HDAC8: variants seen among roughly 807,000 people sequenced by gnomAD.
HDAC8 encodes the protein histone deacetylase 8, also known as histone deacetylase-like 1.
Under a neutral mutation model 32.2 loss-of-function variants are expected in HDAC8, and 1 was observed. The observed-to-expected ratio is 0.03, with a 90% CI of 0.01 to 0.15. The LOEUF is 0.15. HDAC8 is among the 10% of genes least tolerant of loss of function. The pLI is 1.00. For missense variants in HDAC8, 117 were observed against 300.0 expected (o/e 0.39, Z 4.51); for synonymous variants, 108 against 113.9 (o/e 0.95, Z 0.33).
chrX:72,500,309 T>C (rs1402812151), intron 4 of HDAC8, among the ~76,000 whole-genome samples: 1 of 111,444 alleles, frequency 9.0e-6, no homozygotes, highest in African/African-American at 3.3e-5. Flanking sequence ...TACAAAAACC[T>C]GGCAGAGATA....
At chrX:72,501,831 G>C (rs1213314086) in intron 4 of HDAC8, among the ~76,000 whole-genome samples, 1 of 112,121 alleles carries the variant, frequency 8.9e-6, no homozygotes, top group Non-Finnish European at 1.9e-5. Flanking sequence ...AGAGTAAACA[G>C]ACAACCTACA....
In HDAC8 at chrX:72,344,661, T is replaced by TC. The variant is rs782413100; in HGVS notation, c.1111+7071dup. Among the ~76,000 whole-genome samples, 137 of 111,752 alleles carry TC rather than the reference T, an allele frequency of 1.2e-3. 2 individuals carry two copies. In the South Asian group the frequency reaches 0.016, roughly 13 times the overall value. On this transcript the variant is annotated intron_variant, in intron 10 of 10. Transcript: ENST00000373573. ...TATGTTTCAGTAAAGCTATGTTCCC[T>TC]CCCCCAAGAGCTTCCCATTTCAGTC...
intron 4 of HDAC8, among the ~76,000 whole-genome samples, chrX:72,564,942 T>C (rs2051724549): frequency 8.9e-6 from 1 of 112,377 alleles, no homozygotes; most frequent in Non-Finnish European, 1.9e-5. Context: ...TTCTTGCAGG[T>C]AGAATTGGTT....
At chrX:72,380,214 C>T (rs2045229195) in intron 9 of HDAC8, among the ~76,000 whole-genome samples, 1 of 111,843 alleles carries the variant, frequency 8.9e-6, no homozygotes, top group Non-Finnish European at 1.9e-5. Context: ...GCTTAATGTT[C>T]ACCACAACTG....
chrX:72,527,758 C>T (rs1377601023), intron 4 of HDAC8, among the ~76,000 whole-genome samples: 2 of 107,460 alleles, frequency 1.9e-5, no homozygotes, highest in African/African-American at 6.8e-5. Context: ...GCTGAAGTAC[C>T]ACCTTTCTGA....
At chrX:72,482,411 T>G (rs966211921) in intron 7 of HDAC8, among the ~76,000 whole-genome samples, 2 of 112,274 alleles carry the variant, frequency 1.8e-5, no homozygotes, top group Non-Finnish European at 3.8e-5. Context: ...CTTTAGGAAT[T>G]GAAAACCTAA....
chrX:72,489,257 T>G, intron 6 of HDAC8: 1 of 491,740 alleles, frequency 2.0e-6, no homozygotes. Flanking sequence ...AAATAAGAGA[T>G]TAACTCCTTT....
intron 4 of HDAC8, among the ~76,000 whole-genome samples, chrX:72,528,728 G>A (rs1740761957): frequency 9.0e-6 from 1 of 111,311 alleles, no homozygotes. Context: ...CCACCAACCA[G>A]GCCATTCTTA....
At chrX:72,446,315 G>T (rs1250802672) in intron 9 of HDAC8, among the ~76,000 whole-genome samples, 1 of 112,144 alleles carries the variant, frequency 8.9e-6, no homozygotes, top group Admixed American at 9.4e-5. Context: ...ACTGGATTAA[G>T]AAAATGTGGC....
chrX:72,539,198 T>C (rs1239781970), intron 4 of HDAC8, among the ~76,000 whole-genome samples: 1 of 110,987 alleles, frequency 9.0e-6, no homozygotes, highest in Non-Finnish European at 1.9e-5. Context: ...ATGGAAACTC[T>C]ACACTATCTG....
chrX:72,474,860 G>A, intron 7 of HDAC8: 1 of 412,300 alleles, frequency 2.4e-6, no homozygotes, highest in Non-Finnish European at 4.2e-6. Flanking sequence ...TCTACTGTGT[G>A]CCTTTGAGAT....
intron 10 of HDAC8, among the ~76,000 whole-genome samples, chrX:72,346,044 A>G (rs1027347430): frequency 1.8e-5 from 2 of 111,936 alleles, no homozygotes; most frequent in Non-Finnish European, 3.8e-5. Context: ...TAACAACAGC[A>G]ATAACAACGA....
At chrX:72,478,039 A>T (rs898698882) in intron 7 of HDAC8, among the ~76,000 whole-genome samples, 12 of 112,737 alleles carry the variant, frequency 1.1e-4, no homozygotes, top group African/African-American at 3.5e-4. Context: ...CAGGGAAGCG[A>T]TTCATTCTTC....
At chrX:72,345,791 C>T (rs2044011115) in intron 10 of HDAC8, among the ~76,000 whole-genome samples, 1 of 111,176 alleles carries the variant, frequency 9.0e-6, no homozygotes, top group Non-Finnish European at 1.9e-5. Flanking sequence ...AAGCAATCCT[C>T]CCACCTCAGC....
intron 4 of HDAC8, among the ~76,000 whole-genome samples, chrX:72,496,265 T>C (rs1436545311): frequency 1.8e-5 from 2 of 110,895 alleles, no homozygotes; most frequent in Non-Finnish European, 3.8e-5. Flanking sequence ...AACTTCTTCA[T>C]GAAATCTCTT....
intron 9 of HDAC8, among the ~76,000 whole-genome samples, chrX:72,433,033 T>C (rs1271506658): frequency 8.9e-6 from 1 of 112,094 alleles, no homozygotes; most frequent in Non-Finnish European, 1.9e-5. Context: ...TGAGCAGTTT[T>C]GTAGGAGACT....
intron 9 of HDAC8, among the ~76,000 whole-genome samples, chrX:72,405,837 G>A (rs185015837): frequency 9.0e-6 from 1 of 111,529 alleles, no homozygotes; most frequent in East Asian, 2.8e-4. Context: ...GATGTATAAA[G>A]CTTCATTGAG....
chrX:72,513,357 T>TC lies in HDAC8; in HGVS notation c.438-18090dup, dbSNP rs1479458735. Among the ~76,000 whole-genome samples the TC allele has an allele frequency of 2.8e-5, 3 of 108,052 alleles. No individual in the cohort carries two copies. In the East Asian group the frequency reaches 8.7e-4, roughly 31 times the overall value. 93.8% of individuals were successfully genotyped at this position (108,052 alleles called of 115,157 possible). A position where few individuals can be genotyped will look rare whatever the true frequency, so the allele number is the denominator to read the frequency against. ...TTTTTTTTTTTTGAGACTGAGTCTC[T>TC]CTCTGTCATCCAGGCTGGAGTGCAG... On this transcript the variant is annotated intron_variant, in intron 4 of 10. Transcript: ENST00000373573.
At chrX:72,459,490 C>T (rs782031376) in intron 9 of HDAC8, among the ~76,000 whole-genome samples, 2 of 110,557 alleles carry the variant, frequency 1.8e-5, no homozygotes, top group South Asian at 7.9e-4. Context: ...GAGGTCAGCC[C>T]GGCTGCAACT....
Sources: allele counts gnomAD v4.1 joint callset (sites outside exome capture counted in the v4.1 genomes callset), GRCh38; gene constraint gnomAD v4.1.1; transcripts MANE v1.5; gene names NCBI Gene and HGNC (gene_info 2026-07-23, HGNC 2026-07-21).